Variants in GGA1 observed in about 807,000 individuals in gnomAD.
GGA1 encodes golgi associated, gamma adaptin ear containing, ARF binding protein 1, also known as ADP-ribosylation factor-binding protein GGA1.
GGA1 carries 18 observed loss-of-function variants against 76.9 expected under a neutral mutation model. The ratio of observed to expected loss-of-function variants is 0.23; its 90% confidence interval spans 0.16 to 0.35. The LOEUF is 0.35. GGA1 is among the 10% of genes least tolerant of loss of function. The pLI is 1.00. For missense variants in GGA1, 755 were observed against 859.0 expected (o/e 0.88, Z 1.51); for synonymous variants, 342 against 354.7 (o/e 0.96, Z 0.40).
intron 3 of GGA1, chr22:37,617,532 C>G: frequency 1.2e-5 from 12 of 989,546 alleles, no homozygotes; most frequent in Non-Finnish European, 1.4e-5. Context: ...TACAGTTTCT[C>G]TTTTAATACT....
chr22:37,609,012 C>T, intron 1 of GGA1, 109 bp downstream of exon 1: 4 of 1,369,152 alleles, frequency 2.9e-6, no homozygotes, highest in South Asian at 3.3e-5. Flanking sequence ...TCACGCCCCG[C>T]CCCCGGCCCG....
At chr22:37,608,966 C>G in intron 1 of GGA1, 63 bp downstream of exon 1, 1 of 1,336,864 alleles carries the variant, frequency 7.5e-7, no homozygotes, top group Non-Finnish European at 9.6e-7. Context: ...AGGCGGGCCC[C>G]TTCCCGGCGG....
chr22:37,633,026 G>A lies in GGA1; in HGVS notation c.*315G>A. 5.7e-6 allele frequency: 2 copies of A among 350,786 alleles called. No homozygotes were observed. The highest frequency in any genetic ancestry group is 1.1e-5 in the Non-Finnish European group (2 of 184,516). 21.7% of individuals were successfully genotyped at this position (350,786 alleles called of 1,614,324 possible). On this transcript the variant is annotated 3_prime_UTR_variant, in exon 17 of 17. Transcript: ENST00000343632. ...ATGGGGAGGAAGCACAGCTGTTGGG[G>A]AAGGGCCAGGACCTCAGGCCCAGCC...
At chr22:37,617,129 G>C in intron 3 of GGA1, 132 bp downstream of exon 3, 1 of 1,509,668 alleles carries the variant, frequency 6.6e-7, no homozygotes. Flanking sequence ...CCAGGATGGA[G>C]GTCCGGGCCT....
chr22:37,622,137 G>A (rs1436194777), intron 7 of GGA1, among the ~76,000 whole-genome samples: 10 of 152,142 alleles, frequency 6.6e-5, no homozygotes, highest in Admixed American at 6.5e-4. Context: ...GGAGTACAGT[G>A]GCATGATCAT....
chr22:37,618,692 A>C (rs1601521613), intron 4 of GGA1, 146 bp downstream of exon 4: 1 of 599,538 alleles, frequency 1.7e-6, no homozygotes, highest in East Asian at 2.8e-5. Context: ...CCTAGGAAAA[A>C]CACAGATCTC....
At chr22:37,614,835 TG>T (rs1928441434) in intron 2 of GGA1, among the ~76,000 whole-genome samples, 1 of 151,922 alleles carries the variant, frequency 6.6e-6, no homozygotes, top group Admixed American at 6.6e-5. Context: ...AAAAATTAGC[TG>T]GGCGTGGTGG....
At chr22:37,617,491 G>A in intron 3 of GGA1, 1 of 992,252 alleles carries the variant, frequency 1.0e-6, no homozygotes, top group Non-Finnish European at 1.2e-6. Context: ...ACCCACCATG[G>A]AGCAAAGCTG....
In GGA1 at chr22:37,630,377, G is replaced by C. The variant is rs918298367; in HGVS notation, c.1331+207G>C. 4 of 534,548 alleles carry C rather than the reference G, an allele frequency of 7.5e-6. No homozygotes were observed. The African/African-American group carries it at 1.0e-4, about 13-fold the overall frequency. The allele number at this position is 534,548 out of a possible 1,614,324, so 33.1% of individuals were successfully genotyped here. On this transcript the variant is annotated intron_variant, in intron 13 of 16. Coordinates refer to ENST00000343632, the MANE Select transcript of GGA1 (RefSeq NM_013365.5). ...GGCCCACTGGCCTGGCCTCCCCCCA[G>C]GTGTTCCCAGCTCCCTTGAGAAAGG...
chr22:37,620,985 G>T (rs1026237640), intron 6 of GGA1, 72 bp downstream of exon 6: 1 of 890,636 alleles, frequency 1.1e-6, no homozygotes, highest in Admixed American at 1.7e-5. Flanking sequence ...ACCTCTAGCT[G>T]CCCTGGCATC....
chr22:37,619,355 A>G (rs1929426035), intron 4 of GGA1, among the ~76,000 whole-genome samples: 1 of 142,024 alleles, frequency 7.0e-6, no homozygotes, highest in South Asian at 2.2e-4. Flanking sequence ...GTGAGCCACC[A>G]TGCCCGGCCT....
Position 37,632,807 on chromosome 22 carries a change from G to A in GGA1, c.*96G>A. The A allele has an allele frequency of 1.3e-6, 1 of 740,748 alleles. No individual in the cohort carries two copies. Among genetic ancestry groups the A allele is most frequent in the Non-Finnish European group, 2.4e-6 (1 of 418,894 alleles). 45.9% of individuals were successfully genotyped at this position (740,748 alleles called of 1,614,324 possible). A position where few individuals can be genotyped will look rare whatever the true frequency, so the allele number is the denominator to read the frequency against. On this transcript the variant is annotated 3_prime_UTR_variant, in exon 17 of 17. Coordinates refer to ENST00000343632, the MANE Select transcript of GGA1 (RefSeq NM_013365.5). The surrounding 1 kb of genome is among the most constrained non-coding windows in gnomAD (Gnocchi z 5.1). ...GCCAAGGACACCCTTTGTTGCCCAT[G>A]GCCATTCACCCCCAGGCCTGGTGCT...
At chr22:37,611,193 C>G (rs1048784603) in intron 1 of GGA1, among the ~76,000 whole-genome samples, 2 of 152,104 alleles carry the variant, frequency 1.3e-5, no homozygotes, top group African/African-American at 4.8e-5. Flanking sequence ...TTCCTGGTAT[C>G]CCCAGGAGGT....
Position 37,632,127 on chromosome 22 carries a change from C to T in GGA1, c.1660C>T (p.Pro554Ser), listed in dbSNP as rs748959990. 20 of 1,613,550 alleles carry T rather than the reference C, an allele frequency of 1.2e-5. No homozygotes were observed. The African/African-American group carries it at 1.5e-4, about 12-fold the overall frequency. The change falls in exon 15 of 17, where the codon CCC becomes TCC. Residue 554 changes from proline to serine, a missense_variant. Transcript: ENST00000343632. This position sits in a 1 kb window ranked among gnomAD's most constrained non-coding sequence, Gnocchi z 5.1. ...TTCCATGCTGAGCACCGCCCCCCAG[C>T]CCATCCGCAACATCGTGTTCCAGTC... is the stretch of plus-strand genomic sequence containing the variant. The part of the protein sequence containing the change: ...VVSMLSTAPQ[P>S]IRNIVFQSAV...
chr22:37,617,860 GC>G (rs778445153), intron 3 of GGA1: 2 of 692,658 alleles, frequency 2.9e-6, no homozygotes, highest in Non-Finnish European at 3.6e-6. Context: ...GGTGGCTCAC[GC>G]CTGTAATCCC....
At chr22:37,611,736 G>C (rs958877136) in intron 1 of GGA1, among the ~76,000 whole-genome samples, 2 of 152,248 alleles carry the variant, frequency 1.3e-5, no homozygotes, top group African/African-American at 4.8e-5. Context: ...TCAGCTCGGT[G>C]CTCAGGCGTG....
chr22:37,623,149 G>A lies in GGA1; in HGVS notation c.610-178G>A, dbSNP rs1191522244. Among the ~76,000 whole-genome samples, 6 of 152,168 alleles carry A rather than the reference G, an allele frequency of 3.9e-5. No individual in the cohort carries two copies. Among genetic ancestry groups the A allele is most frequent in the Non-Finnish European group, 7.4e-5 (5 of 68,022 alleles). On this transcript the variant is annotated intron_variant, in intron 7 of 16. Coordinates refer to ENST00000343632, the MANE Select transcript of GGA1 (RefSeq NM_013365.5). The surrounding 1 kb of genome is among the most constrained non-coding windows in gnomAD (Gnocchi z 4.6). ...GGCACTGGGGGCTTCTTGGACCAGC[G>A]TGCCCTTCCTAGGCATGAGGGGCTC...
At chr22:37,610,759 A>G (rs905826298) in intron 1 of GGA1, 7 of 152,196 alleles carry the variant, frequency 4.6e-5, no homozygotes, top group Non-Finnish European at 7.3e-5. Flanking sequence ...CCTGTTGTGA[A>G]ACACCTCCCT....
In GGA1 at chr22:37,622,575, G is replaced by A. The variant is rs372610165; in HGVS notation, c.610-752G>A. ...TGGGACCAAAGGCACACGCTACAGC[G>A]CCCGGCTAATTTTATTTTTTGTAGA... On this transcript the variant is annotated intron_variant, in intron 7 of 16. Transcript: ENST00000343632. 1.1e-4 allele frequency among the ~76,000 whole-genome samples: 17 copies of A among 151,906 alleles called. No individual in the cohort carries two copies. In the East Asian group the frequency reaches 1.4e-3, roughly 12 times the overall value.
Sources: allele counts gnomAD v4.1 joint callset (sites outside exome capture counted in the v4.1 genomes callset), GRCh38; gene constraint gnomAD v4.1.1; non-coding constraint Gnocchi (gnomAD v3.1); transcripts MANE v1.5; gene names NCBI Gene and HGNC (gene_info 2026-07-23, HGNC 2026-07-21).